The following NAV3 variants were observed in gnomAD, a reference collection of about 807,000 sequenced individuals.
NAV3 encodes pore membrane and/or filament interacting like protein 1.
In NAV3, 87 loss-of-function variants were observed where a neutral mutation model predicts 244.7. The ratio of observed to expected loss-of-function variants is 0.36; its 90% confidence interval spans 0.30 to 0.42. The LOEUF is 0.42. Ranked by LOEUF, NAV3 falls within the 20% of genes least tolerant of loss-of-function variation. The pLI, the probability that NAV3 is intolerant of heterozygous loss-of-function variation, is 1.00. For synonymous variants in NAV3, 1,126 were observed against 1,042.2 expected, an observed-to-expected ratio of 1.08 and a Z score of -1.55; for missense variants, 2,663 against 2,893.3, an observed-to-expected ratio of 0.92 and a Z score of 1.83.
chr12:77,712,466 G>A (rs1368373144), intron 2 of NAV3, among the ~76,000 whole-genome samples: 3 of 152,106 alleles, frequency 2.0e-5, no homozygotes, highest in African/African-American at 4.8e-5. Flanking sequence ...ACAAAAAGAG[G>A]CCAGTCTTTA....
chr12:77,659,608 G>A (rs1035107466), intron 2 of NAV3, among the ~76,000 whole-genome samples: 6 of 152,112 alleles, frequency 3.9e-5, no homozygotes, highest in Non-Finnish European at 2.9e-5. Context: ...TCCCATTACT[G>A]GGTATATACC....
At chr12:77,812,732 A>T (rs903446257) in intron 2 of NAV3, among the ~76,000 whole-genome samples, 1 of 152,166 alleles carries the variant, frequency 6.6e-6, no homozygotes, top group African/African-American at 2.4e-5. Context: ...CTGGTCAGGA[A>T]TTTAATTTCT....
intron 1 of NAV3, among the ~76,000 whole-genome samples, chr12:77,902,748 CGTCTCA>C (rs1203619506): frequency 1.3e-5 from 2 of 152,114 alleles, no homozygotes; most frequent in Non-Finnish European, 2.9e-5. Context: ...AAAACCCCAT[CGTCTCA>C]GCCCAAAATC....
chr12:78,073,004 T>A (rs1237670605), intron 12 of NAV3, among the ~76,000 whole-genome samples: 1 of 143,040 alleles, frequency 7.0e-6, no homozygotes, highest in Non-Finnish European at 1.6e-5. Flanking sequence ...TGCTAAAAAC[T>A]CTCAATAAAT....
At chr12:78,014,228 A>G (rs902083765) in intron 8 of NAV3, among the ~76,000 whole-genome samples, 3 of 152,134 alleles carry the variant, frequency 2.0e-5, no homozygotes, top group African/African-American at 7.2e-5. Context: ...GCTGTTTTGA[A>G]GTCTACATTC....
chr12:77,766,581 G>A (rs1276819224), intron 2 of NAV3, among the ~76,000 whole-genome samples: 1 of 151,928 alleles, frequency 6.6e-6, no homozygotes, highest in Non-Finnish European at 1.5e-5. Flanking sequence ...TTGTATTGAA[G>A]AAAAATAAAA....
chr12:77,996,803 A>C (rs1039735041), intron 6 of NAV3, among the ~76,000 whole-genome samples: 1 of 152,212 alleles, frequency 6.6e-6, no homozygotes, highest in Non-Finnish European at 1.5e-5. Flanking sequence ...ATTATAAAAA[A>C]TAGTGCTATA....
At chr12:77,760,569 A>C (rs1033468381) in intron 2 of NAV3, among the ~76,000 whole-genome samples, 8 of 152,230 alleles carry the variant, frequency 5.3e-5, no homozygotes, top group Non-Finnish European at 1.5e-5. Flanking sequence ...GTAGAACGTC[A>C]AAGCCATCAT....
intron 1 of NAV3, among the ~76,000 whole-genome samples, chr12:77,890,837 C>T (rs1385757438): frequency 3.3e-5 from 5 of 152,134 alleles, no homozygotes; most frequent in Admixed American, 1.3e-4. Context: ...GAAAGCTGCA[C>T]GAGTTCTCCT....
At position 77,831,191 on chromosome 12, in the gene NAV3, GAGAC is replaced by G. The variant is rs1326731740; in HGVS notation, c.-267_-264del. On this transcript the variant is annotated 5_prime_UTR_variant, in exon 1 of 40. Transcript: ENST00000397909. Reference sequence around the variant, plus strand: ...AGACAGAGAGAGAGAGAGAGAGAGAGAGACAGAGAGAGAGAGAGAGAGAGAGAAA... The same window carrying G: ...AGACAGAGAGAGAGAGAGAGAGAGAGAGAGAGAGAGAGAGAGAGAGAGAAA... The G allele has an allele frequency of 0.033, 2,871 of 86,184 alleles. 28 individuals are homozygous for G. The highest frequency in any genetic ancestry group is 0.07 in the African/African-American group (1,599 of 22,790). The allele number at this position is 86,184 out of a possible 1,614,324, so 5.3% of individuals were successfully genotyped here.
chr12:77,711,106 T>C (rs911119663), intron 2 of NAV3, among the ~76,000 whole-genome samples: 5 of 152,190 alleles, frequency 3.3e-5, no homozygotes, highest in Non-Finnish European at 7.3e-5. Flanking sequence ...TAATTGCCAA[T>C]TGAATCAACT....
intron 2 of NAV3, among the ~76,000 whole-genome samples, chr12:77,800,749 T>A (rs183679188): frequency 2.0e-5 from 3 of 152,276 alleles, no homozygotes; most frequent in Admixed American, 2.0e-4. Flanking sequence ...GGATTATTTT[T>A]AAGATCTGCT....
At position 78,190,204 on chromosome 12, in the gene NAV3, C is replaced by A. The variant is rs1593981226; in HGVS notation, c.6276C>A (p.Asp2092Glu). 1 of 1,611,272 alleles carries A rather than the reference C, an allele frequency of 6.2e-7. No homozygotes were observed. Among genetic ancestry groups the A allele is most frequent in the African/African-American group, 1.3e-5 (1 of 74,758 alleles). ...TEDAIATFNV[D>E]HKSSKELQQY... Reference sequence around the variant, plus strand: ...ATGCAATTGCCACTTTTAATGTGGACCACAAGTCAAGTAAGGTATGTTACA... The same window carrying A: ...ATGCAATTGCCACTTTTAATGTGGAACACAAGTCAAGTAAGGTATGTTACA... Residue 2092 changes from aspartate to glutamate, a missense_variant, in exon 34 of 40, where the codon GAC becomes GAA. Asp to Glu is a conservative substitution (Grantham distance 45). Transcript: ENST00000397909.
At chr12:77,853,735 C>T (rs904790572) in intron 1 of NAV3, among the ~76,000 whole-genome samples, 3 of 152,114 alleles carry the variant, frequency 2.0e-5, no homozygotes, top group Admixed American at 6.5e-5. Flanking sequence ...AAACTCTTAA[C>T]GTATGCATAC....
intron 31 of NAV3, among the ~76,000 whole-genome samples, chr12:78,187,435 A>G (rs957529745): frequency 6.6e-6 from 1 of 151,882 alleles, no homozygotes; most frequent in Admixed American, 6.6e-5. Context: ...AATTATATCT[A>G]CTGGAATCAT....
rs2138708357 is a variant in NAV3 at position 78,122,442 on chromosome 12, G to T, written c.4238+14G>T. ...TCTCTCAGAAAGGTGAGCTTTCCTG[G>T]AGGCATTGATAACATCTTCCCCCTC... On this transcript the variant is annotated intron_variant, in intron 16 of 39. Coordinates refer to ENST00000397909, the MANE Select transcript of NAV3 (RefSeq NM_001024383.2). 1 of 1,566,948 alleles carries T rather than the reference G, an allele frequency of 6.4e-7. No individual in the cohort carries two copies.
intron 1 of NAV3, among the ~76,000 whole-genome samples, chr12:77,924,363 C>A (rs973573332): frequency 2.0e-5 from 3 of 151,940 alleles, no homozygotes; most frequent in Admixed American, 6.6e-5. Context: ...CACCTAAATG[C>A]AAGGAGAGGA....
chr12:77,726,276 A>G lies in NAV3; in HGVS notation c.72+154010A>G, dbSNP rs368666679. Reference sequence around the variant, plus strand: ...CTCGTGTTAGTGCTTTTCAGTGAATATCTTTTTCACAGCCACAGAACACTA... The same window carrying G: ...CTCGTGTTAGTGCTTTTCAGTGAATGTCTTTTTCACAGCCACAGAACACTA... On this transcript the variant is annotated intron_variant, in intron 2 of 8. Transcript: ENST00000550042. Among the ~76,000 whole-genome samples the G allele has an allele frequency of 2.0e-4, 30 of 152,078 alleles. No homozygotes were observed. The East Asian group carries it at 5.4e-3, about 28-fold the overall frequency.
At chr12:77,790,650 T>C (rs1158483781) in intron 2 of NAV3, among the ~76,000 whole-genome samples, 1 of 152,216 alleles carries the variant, frequency 6.6e-6, no homozygotes, top group Non-Finnish European at 1.5e-5. Flanking sequence ...CTCTTGCTTA[T>C]GTTGGAGGCT....
Sources: gnomAD v4.1 joint callset for allele counts (sites outside exome capture counted in the v4.1 genomes callset) on GRCh38, gnomAD v4.1.1 for gene constraint, MANE v1.5 for transcripts, NCBI Gene and HGNC (gene_info 2026-07-23, HGNC 2026-07-21) for gene names.